CAP2: variants seen among roughly 807,000 people sequenced by gnomAD.
CAP2 encodes adenylyl cyclase-associated protein 2.
In CAP2, 24 loss-of-function variants were observed where a neutral mutation model predicts 57.7. That is an observed-to-expected ratio of 0.42 (90% CI 0.30 to 0.58). The LOEUF (loss-of-function observed/expected upper bound fraction) is 0.58, where lower values mean the gene tolerates loss of function less well. CAP2 is among the 20% of genes least tolerant of loss of function. CAP2 has a pLI of 0.22. For missense variants in CAP2, 501 were observed against 590.3 expected, an observed-to-expected ratio of 0.85 and a Z score of 1.57; for synonymous variants, 194 against 207.2, an observed-to-expected ratio of 0.94 and a Z score of 0.55.
intron 1 of CAP2, among the ~76,000 whole-genome samples, chr6:17,403,948 T>C (rs1375728731): frequency 6.6e-6 from 1 of 152,212 alleles, no homozygotes; most frequent in Non-Finnish European, 1.5e-5. Flanking sequence ...TATGCCAATC[T>C]AAAAATGTGC....
chr6:17,484,436 A>C (rs1761372464), intron 4 of CAP2, among the ~76,000 whole-genome samples: 1 of 152,174 alleles, frequency 6.6e-6, no homozygotes. Context: ...ATCTGGCGGC[A>C]TCATGAGGGT....
chr6:17,481,919 T>C (rs1349802971), intron 4 of CAP2, among the ~76,000 whole-genome samples: 1 of 152,192 alleles, frequency 6.6e-6, no homozygotes, highest in Non-Finnish European at 1.5e-5. Flanking sequence ...TTGGCCTTTC[T>C]ATTTCTTTAA....
At chr6:17,467,014 T>C (rs1452223211) in intron 4 of CAP2, among the ~76,000 whole-genome samples, 6 of 152,158 alleles carry the variant, frequency 3.9e-5, no homozygotes, top group African/African-American at 1.4e-4. Context: ...AATTAATCTT[T>C]AATAGGAGTT....
At chr6:17,492,476 G>A (rs1462589185) in intron 4 of CAP2, among the ~76,000 whole-genome samples, 1 of 152,142 alleles carries the variant, frequency 6.6e-6, no homozygotes, top group Non-Finnish European at 1.5e-5. Flanking sequence ...ATTATATCCT[G>A]GACTATGTGC....
At chr6:17,442,722 T>TG (rs1321918464) in intron 3 of CAP2, among the ~76,000 whole-genome samples, 3 of 86,882 alleles carry the variant, frequency 3.5e-5, no homozygotes, top group Non-Finnish European at 6.4e-5. Flanking sequence ...ACCCCATCAC[T>TG]ATTTTTTTTT....
chr6:17,433,423 T>C (rs1256721261), intron 3 of CAP2, among the ~76,000 whole-genome samples: 1 of 152,210 alleles, frequency 6.6e-6, no homozygotes, highest in African/African-American at 2.4e-5. Context: ...CTTGTGGTAA[T>C]TGGCTGACTG....
chr6:17,492,081 C>T (rs1185854319), intron 4 of CAP2, among the ~76,000 whole-genome samples: 6 of 152,200 alleles, frequency 3.9e-5, no homozygotes, highest in Admixed American at 2.6e-4. Flanking sequence ...AGGGTTTGAC[C>T]TTACTGGTCT....
At chr6:17,425,726 A>G (rs998386832) in intron 2 of CAP2, among the ~76,000 whole-genome samples, 5 of 152,184 alleles carry the variant, frequency 3.3e-5, no homozygotes, top group Non-Finnish European at 5.9e-5. Context: ...AAATGAAATT[A>G]TGTAGCGTCT....
chr6:17,556,596 C>T lies in CAP2; in HGVS notation c.*154C>T. 1 of 573,640 alleles carries T rather than the reference C, an allele frequency of 1.7e-6. No homozygotes were observed. The highest frequency in any genetic ancestry group is 3.1e-6 in the Non-Finnish European group (1 of 318,004). The allele number at this position is 573,640 out of a possible 1,614,324, so 35.5% of individuals were successfully genotyped here. On this transcript the variant is annotated 3_prime_UTR_variant, in exon 13 of 13. Transcript: ENST00000229922. ...TAGATACAGCACTGTTTCTGGCACG[C>T]CTCGTGGGCATTTTGAAATATTTAA...
chr6:17,465,314 T>C (rs1413873086), intron 4 of CAP2, among the ~76,000 whole-genome samples: 1 of 152,146 alleles, frequency 6.6e-6, no homozygotes, highest in Non-Finnish European at 1.5e-5. Flanking sequence ...CACCTCAGCC[T>C]CCTGAGTTGT....
chr6:17,411,223 A>AT (rs1759134788), intron 1 of CAP2, among the ~76,000 whole-genome samples: 1 of 152,108 alleles, frequency 6.6e-6, no homozygotes, highest in Non-Finnish European at 1.5e-5. Context: ...GATTGTTTCC[A>AT]TTTTTTGGCT....
intron 4 of CAP2, among the ~76,000 whole-genome samples, chr6:17,477,787 T>C (rs973270908): frequency 1.3e-4 from 20 of 152,092 alleles, no homozygotes; most frequent in African/African-American, 4.6e-4. Flanking sequence ...TGGGGGAAGA[T>C]CTATTTTTCT....
intron 8 of CAP2, 23 bp from the exon 9 acceptor site, chr6:17,540,950 G>A (rs778763550): frequency 6.2e-6 from 10 of 1,603,450 alleles, no homozygotes; most frequent in Admixed American, 5.2e-5. Flanking sequence ...AAATAAATGT[G>A]TCCATGTGTG....
intron 7 of CAP2, among the ~76,000 whole-genome samples, chr6:17,533,847 T>C (rs1303074033): frequency 6.6e-6 from 1 of 152,214 alleles, no homozygotes; most frequent in Non-Finnish European, 1.5e-5. Context: ...ATTACAGGCG[T>C]GAGCCACTGC....
intron 4 of CAP2, among the ~76,000 whole-genome samples, chr6:17,498,689 A>G (rs577030979): frequency 1.6e-4 from 25 of 152,068 alleles, no homozygotes; most frequent in Non-Finnish European, 2.9e-4. Flanking sequence ...GTTTTTCTGT[A>G]TGTCTAAAAT....
chr6:17,444,738 AAAG>A (rs1760202120), intron 3 of CAP2, among the ~76,000 whole-genome samples: 1 of 151,806 alleles, frequency 6.6e-6, no homozygotes, highest in African/African-American at 2.4e-5. Context: ...ACACCTGTGA[AAAG>A]AAGGGGAAAA....
rs931272335 is a variant in CAP2, at chr6:17,408,798, T to C, written c.-1-12757T>C. 4.0e-5 allele frequency among the ~76,000 whole-genome samples: 6 copies of C among 150,838 alleles called. No homozygotes were observed. In the East Asian group the frequency reaches 6.1e-4, roughly 15 times the overall value. ...GCCTCAGCCTCCCGAGTAGCTCGAGTAGCTTGGACTGCAGGCGCCCGCCAC... is the reference window on the plus strand; with the variant it reads ...GCCTCAGCCTCCCGAGTAGCTCGAGCAGCTTGGACTGCAGGCGCCCGCCAC... On this transcript the variant is annotated intron_variant, in intron 1 of 12. Transcript: ENST00000229922.
At chr6:17,426,045 A>G (rs972050166) in intron 2 of CAP2, among the ~76,000 whole-genome samples, 5 of 151,956 alleles carry the variant, frequency 3.3e-5, no homozygotes, top group Non-Finnish European at 7.4e-5. Flanking sequence ...CAGTGAGCCA[A>G]GATCACGCCA....
At chr6:17,400,012 A>G (rs868355182) in intron 1 of CAP2, among the ~76,000 whole-genome samples, 1 of 151,978 alleles carries the variant, frequency 6.6e-6, no homozygotes, top group Non-Finnish European at 1.5e-5. Flanking sequence ...CAAGGTCAGG[A>G]GATTGAGACC....
Sources: allele counts gnomAD v4.1 joint callset (sites outside exome capture counted in the v4.1 genomes callset), GRCh38; gene constraint gnomAD v4.1.1; transcripts MANE v1.5; gene names NCBI Gene and HGNC (gene_info 2026-07-23, HGNC 2026-07-21).